Variants in ADGRB3 observed in about 807,000 individuals in gnomAD.
ADGRB3 encodes brain-specific angiogenesis inhibitor 3.
ADGRB3 carries 37 observed loss-of-function variants against 193.4 expected under a neutral mutation model. That is an observed-to-expected ratio of 0.19 (90% CI 0.15 to 0.25). The LOEUF (loss-of-function observed/expected upper bound fraction) is 0.25. Ranked by LOEUF, ADGRB3 falls within the 10% of genes least tolerant of loss-of-function variation. ADGRB3 has a pLI of 1.00. For synonymous variants in ADGRB3, 690 were observed against 644.2 expected (o/e 1.07, Z -1.08); for missense variants, 1,637 against 1,852.9 (o/e 0.88, Z 2.14).
At position 68,944,682 on chromosome 6, in the gene ADGRB3, T is replaced by C. The variant is rs576470296; in HGVS notation, c.1195+688T>C. 2.2e-4 allele frequency among the ~76,000 whole-genome samples: 33 copies of C among 152,316 alleles called. No individual in the cohort carries two copies. The South Asian group carries it at 3.7e-3, about 17-fold the overall frequency. On this transcript the variant is annotated intron_variant, in intron 6 of 31. Coordinates refer to ENST00000370598, the MANE Select transcript of ADGRB3 (RefSeq NM_001704.3). Reference sequence around the variant, plus strand: ...GGGAAGCCTTCACAATGCTGTCATTTAGTTTATTCCAACATCAAACAAATT... The same window carrying C: ...GGGAAGCCTTCACAATGCTGTCATTCAGTTTATTCCAACATCAAACAAATT...
chr6:69,212,973 C>T (rs1449164540), intron 17 of ADGRB3, among the ~76,000 whole-genome samples: 1 of 152,092 alleles, frequency 6.6e-6, no homozygotes, highest in African/African-American at 2.4e-5. Context: ...TGATGCATAG[C>T]TTGACAAGTG....
chr6:69,127,666 C>T (rs1773889917), intron 17 of ADGRB3, among the ~76,000 whole-genome samples: 1 of 152,128 alleles, frequency 6.6e-6, no homozygotes, highest in Non-Finnish European at 1.5e-5. Context: ...AATTATCTTT[C>T]CCTCCTTGCC....
chr6:69,373,587 T>C (rs1769750690), intron 30 of ADGRB3, among the ~76,000 whole-genome samples: 1 of 152,082 alleles, frequency 6.6e-6, no homozygotes, highest in Non-Finnish European at 1.5e-5. Context: ...ATCCAAAGTT[T>C]TTAGCATAAA....
chr6:69,008,016 T>A (rs1252695533), intron 11 of ADGRB3, among the ~76,000 whole-genome samples: 2 of 152,064 alleles, frequency 1.3e-5, no homozygotes, highest in Non-Finnish European at 2.9e-5. Context: ...AAGGGTGTGT[T>A]AGCCAAACAC....
At chr6:69,207,449 G>A (rs1024018211) in intron 17 of ADGRB3, among the ~76,000 whole-genome samples, 3 of 152,148 alleles carry the variant, frequency 2.0e-5, no homozygotes, top group Non-Finnish European at 4.4e-5. Context: ...TATAGGAGGG[G>A]CCAAATGCAG....
intron 13 of ADGRB3, among the ~76,000 whole-genome samples, chr6:69,022,918 T>C (rs985838368): frequency 9.2e-5 from 14 of 152,002 alleles, no homozygotes; most frequent in African/African-American, 3.1e-4. Flanking sequence ...ACAGTGATGA[T>C]TTATAGTTTT....
chr6:69,172,410 G>A (rs190130430), intron 17 of ADGRB3, among the ~76,000 whole-genome samples: 376 of 151,886 alleles, frequency 2.5e-3, no homozygotes, highest in African/African-American at 8.7e-3. Context: ...TTGGGAGGCC[G>A]AGGCGGGTGG....
Position 69,080,656 on chromosome 6 carries a change from TG to T in ADGRB3, c.2480+4619del, listed in dbSNP as rs1447649006. ...ATTGAAGCCTTTTCGTGAGCAGCAA[TG>T]AAAAAAAAAAGTCTGTATTAAAAAT... On this transcript the variant is annotated intron_variant, in intron 17 of 31. Transcript: ENST00000370598. 6.4e-5 allele frequency among the ~76,000 whole-genome samples: 9 copies of T among 140,488 alleles called. No homozygotes were observed. The South Asian group carries it at 2.2e-3, about 35-fold the overall frequency. The allele number at this position is 140,488 out of a possible 152,430, so 92.2% of individuals were successfully genotyped here.
chr6:69,296,589 C>T (rs753942892), intron 20 of ADGRB3, among the ~76,000 whole-genome samples: 6 of 152,092 alleles, frequency 3.9e-5, no homozygotes, highest in Non-Finnish European at 8.8e-5. Context: ...CTGAAAATTA[C>T]TCCGTATAAA....
In ADGRB3 at chr6:69,285,746, C is replaced by G. The variant is rs895252499; in HGVS notation, c.2815-39126C>G. On this transcript the variant is annotated intron_variant, in intron 20 of 31. Coordinates refer to ENST00000370598, the MANE Select transcript of ADGRB3 (RefSeq NM_001704.3). ...CTGTTCAAGAACTACTTGCAACCCT[C>G]TAACTATATTTGATATTCTGCATGC... Among the ~76,000 whole-genome samples the G allele has an allele frequency of 3.2e-4, 48 of 152,116 alleles. 1 individual carries two copies. The highest frequency in any genetic ancestry group is 1.1e-3 in the African/African-American group (47 of 41,512).
chr6:69,084,974 A>G lies in ADGRB3; in HGVS notation c.2480+8936A>G, dbSNP rs1018193898. On this transcript the variant is annotated intron_variant, in intron 17 of 31. Coordinates refer to ENST00000370598, the MANE Select transcript of ADGRB3 (RefSeq NM_001704.3). ...AAGAATCTACCAAGGAAGGATAGTT[A>G]TTCCTATTCTCTTGTTTGAAAAATG... Among the ~76,000 whole-genome samples, 8 of 152,158 alleles carry G rather than the reference A, an allele frequency of 5.3e-5. No individual in the cohort carries two copies. In the South Asian group the frequency reaches 1.0e-3, roughly 20 times the overall value.
intron 26 of ADGRB3, among the ~76,000 whole-genome samples, chr6:69,341,725 A>G (rs1768977035): frequency 6.6e-6 from 1 of 152,166 alleles, no homozygotes; most frequent in Admixed American, 6.6e-5. Context: ...GGTCTTCTAT[A>G]TTAATATTAT....
intron 17 of ADGRB3, among the ~76,000 whole-genome samples, chr6:69,104,719 T>A (rs1372217279): frequency 6.6e-6 from 1 of 152,080 alleles, no homozygotes; most frequent in Non-Finnish European, 1.5e-5. Flanking sequence ...TCAGTAAAAA[T>A]TTTCCTATTT....
At chr6:69,186,480 G>A (rs535403222) in intron 17 of ADGRB3, among the ~76,000 whole-genome samples, 15 of 151,158 alleles carry the variant, frequency 9.9e-5, no homozygotes, top group Admixed American at 5.9e-4. Flanking sequence ...AGTATAGAAC[G>A]AGAATACAAG....
chr6:68,857,251 A>G (rs1227370627), intron 3 of ADGRB3, among the ~76,000 whole-genome samples: 1 of 152,208 alleles, frequency 6.6e-6, no homozygotes, highest in African/African-American at 2.4e-5. Context: ...GAGCTGTGAG[A>G]AGAGGGCCAC....
At chr6:68,959,009 C>A (rs933768628) in intron 8 of ADGRB3, among the ~76,000 whole-genome samples, 10 of 151,646 alleles carry the variant, frequency 6.6e-5, no homozygotes, top group African/African-American at 2.4e-4. Flanking sequence ...CTGTTAATTT[C>A]AAAAATACCT....
At chr6:69,119,161 T>C (rs770814346) in intron 17 of ADGRB3, among the ~76,000 whole-genome samples, 39 of 152,246 alleles carry the variant, frequency 2.6e-4, no homozygotes, top group Non-Finnish European at 5.3e-4. Context: ...TTGACAATTG[T>C]AGTTATGTCT....
intron 16 of ADGRB3, among the ~76,000 whole-genome samples, chr6:69,072,419 A>T (rs1772102192): frequency 6.6e-6 from 1 of 152,202 alleles, no homozygotes; most frequent in Non-Finnish European, 1.5e-5. Context: ...ATGGAAAAAG[A>T]TTAGAAGAAG....
intron 17 of ADGRB3, among the ~76,000 whole-genome samples, chr6:69,178,757 A>G (rs958369874): frequency 6.6e-6 from 1 of 152,176 alleles, no homozygotes; most frequent in Non-Finnish European, 1.5e-5. Flanking sequence ...TCTTTTATTT[A>G]AGAATACTGA....
Sources: allele counts gnomAD v4.1 joint callset (sites outside exome capture counted in the v4.1 genomes callset), GRCh38; gene constraint gnomAD v4.1.1; transcripts MANE v1.5; gene names NCBI Gene and HGNC (gene_info 2026-07-23, HGNC 2026-07-21).